The following FRMPD4 variants were observed in gnomAD, a reference collection of about 807,000 sequenced individuals.
FRMPD4 encodes the protein FERM and PDZ domain-containing protein 4.
Under a neutral mutation model 94.1 loss-of-function variants are expected in FRMPD4, and 22 were observed. The ratio of observed to expected loss-of-function variants is 0.23; its 90% CI spans 0.17 to 0.33. FRMPD4 has a LOEUF of 0.33. FRMPD4 is among the 10% of genes least tolerant of loss of function. The pLI is 1.00. For synonymous variants in FRMPD4, 631 were observed against 548.6 expected (o/e 1.15, Z -2.10); for missense variants, 1,111 against 1,339.9 (o/e 0.83, Z 2.67).
At chrX:12,304,544 C>T (rs1471793850) in intron 1 of FRMPD4, among the ~76,000 whole-genome samples, 2 of 111,297 alleles carry the variant, frequency 1.8e-5, no homozygotes, top group Non-Finnish European at 1.9e-5. Flanking sequence ...CTGTAATATA[C>T]AACCCACACC....
chrX:12,661,936 G>A (rs754759217), intron 4 of FRMPD4, among the ~76,000 whole-genome samples: 8 of 112,035 alleles, frequency 7.1e-5, no homozygotes, highest in African/African-American at 2.3e-4. Context: ...CTGACGCTAC[G>A]TTATGGCTTG....
intron 3 of FRMPD4, among the ~76,000 whole-genome samples, chrX:12,033,751 G>T (rs1308296693): frequency 8.9e-6 from 1 of 111,774 alleles, no homozygotes; most frequent in Non-Finnish European, 1.9e-5. Flanking sequence ...AGGCTGGAGT[G>T]CAATGGCACA....
chrX:12,062,812 T>C (rs1466723523), intron 3 of FRMPD4, among the ~76,000 whole-genome samples: 1 of 112,147 alleles, frequency 8.9e-6, no homozygotes, highest in Non-Finnish European at 1.9e-5. Context: ...TTGTTAGTTT[T>C]ACTGATTTTT....
At chrX:12,313,153 C>T (rs2055061868) in intron 1 of FRMPD4, among the ~76,000 whole-genome samples, 1 of 112,140 alleles carries the variant, frequency 8.9e-6, no homozygotes, top group African/African-American at 3.2e-5. Context: ...ATCCTGGGAG[C>T]CACGGAGGGA....
rs754012185 is a variant in FRMPD4, at chrX:12,331,087, C to T, written c.42-167593C>T. 8.9e-5 allele frequency among the ~76,000 whole-genome samples: 10 copies of T among 111,773 alleles called. No homozygotes were observed. In the South Asian group the frequency reaches 3.7e-3, roughly 42 times the overall value. On this transcript the variant is annotated intron_variant, in intron 1 of 16. Coordinates refer to ENST00000675598, the MANE Select transcript of FRMPD4 (RefSeq NM_001368397.1). ...ACATGTCAATTAATGGGCATGTCTGCATTCCAGTAGAATTTTATTTAGAAA... is the reference window on the plus strand; with the variant it reads ...ACATGTCAATTAATGGGCATGTCTGTATTCCAGTAGAATTTTATTTAGAAA...
chrX:12,581,412 AGAAATT>A (rs1328445365), intron 2 of FRMPD4, among the ~76,000 whole-genome samples: 1 of 101,964 alleles, frequency 9.8e-6, no homozygotes, highest in Non-Finnish European at 2.0e-5. Context: ...GCAGAGAACT[AGAAATT>A]ATTTTTCAAA....
At chrX:11,890,369 T>C (rs2053867776) in intron 3 of FRMPD4, among the ~76,000 whole-genome samples, 1 of 111,190 alleles carries the variant, frequency 9.0e-6, no homozygotes, top group African/African-American at 3.3e-5. Context: ...TTTCCCAAGG[T>C]TCCCAGGAGC....
chrX:12,424,715 A>G (rs927392086), intron 1 of FRMPD4, among the ~76,000 whole-genome samples: 3 of 112,624 alleles, frequency 2.7e-5, no homozygotes, highest in African/African-American at 6.4e-5. Context: ...GTATCTCCCA[A>G]ATGCTCCGGT....
At chrX:12,648,196 T>C (rs376817442) in intron 4 of FRMPD4, among the ~76,000 whole-genome samples, 14 of 111,774 alleles carry the variant, frequency 1.3e-4, no homozygotes, top group East Asian at 5.6e-4. Flanking sequence ...TTCTCATCAA[T>C]GCTGTCTTTC....
chrX:12,130,207 C>G (rs1399541117), intron 3 of FRMPD4, among the ~76,000 whole-genome samples: 1 of 111,008 alleles, frequency 9.0e-6, no homozygotes, highest in African/African-American at 3.3e-5. Flanking sequence ...GGCCAAAATT[C>G]TAAGTTGGTT....
chrX:12,414,044 A>G (rs1255225936), intron 1 of FRMPD4, among the ~76,000 whole-genome samples: 1 of 112,956 alleles, frequency 8.9e-6, no homozygotes, highest in Non-Finnish European at 1.9e-5. Flanking sequence ...CTGTGTGACT[A>G]TAAATAGGGA....
intron 4 of FRMPD4, among the ~76,000 whole-genome samples, chrX:12,630,147 T>G (rs1331752363): frequency 8.9e-6 from 1 of 111,863 alleles, no homozygotes; most frequent in African/African-American, 3.3e-5. Flanking sequence ...GTGAAGAAAT[T>G]CAGGGGCCAC....
intron 2 of FRMPD4, among the ~76,000 whole-genome samples, chrX:12,555,396 TA>T (rs1227094867): frequency 1.8e-5 from 2 of 112,096 alleles, no homozygotes; most frequent in African/African-American, 6.5e-5. Context: ...TTCTTTTATA[TA>T]TTTTTTTGAG....
chrX:11,852,771 A>G (rs1310668661), intron 1 of FRMPD4, among the ~76,000 whole-genome samples: 1 of 111,885 alleles, frequency 8.9e-6, no homozygotes, highest in Non-Finnish European at 1.9e-5. Context: ...GCTCTTAGAG[A>G]CCTTCAAAGA....
At chrX:12,123,357 C>T (rs1435488853) in intron 3 of FRMPD4, among the ~76,000 whole-genome samples, 1 of 110,511 alleles carries the variant, frequency 9.0e-6, no homozygotes, top group African/African-American at 3.3e-5. Context: ...AAGTTGGTCT[C>T]GAACTCCTGG....
chrX:11,866,439 C>T (rs192055312), intron 2 of FRMPD4, among the ~76,000 whole-genome samples: 1 of 111,804 alleles, frequency 8.9e-6, no homozygotes, highest in East Asian at 2.8e-4. Flanking sequence ...AAGCAGAGTC[C>T]TCCATTCTAG....
intron 3 of FRMPD4, among the ~76,000 whole-genome samples, chrX:11,909,086 T>A (rs1315681970): frequency 1.1e-4 from 12 of 111,826 alleles, no homozygotes; most frequent in Non-Finnish European, 5.6e-5. Context: ...ACTAAACATA[T>A]TCCCCCCATG....
intron 1 of FRMPD4, among the ~76,000 whole-genome samples, chrX:12,282,119 C>CCAATCTAAAATGTAAAA (rs2054535452): frequency 8.9e-6 from 1 of 112,255 alleles, no homozygotes; most frequent in Non-Finnish European, 1.9e-5. Context: ...GTCTTGTAAA[C>CCAATCTAAAATGTAAAA]CAATCTAAAA....
At chrX:12,431,128 AT>A (rs1324996449) in intron 1 of FRMPD4, among the ~76,000 whole-genome samples, 9 of 112,940 alleles carry the variant, frequency 8.0e-5, no homozygotes, top group African/African-American at 2.9e-4. Flanking sequence ...AAAACCCACT[AT>A]GCGTCAAGCA....
Sources: allele counts gnomAD v4.1 joint callset (sites outside exome capture counted in the v4.1 genomes callset), GRCh38; gene constraint gnomAD v4.1.1; transcripts MANE v1.5; gene names NCBI Gene and HGNC (gene_info 2026-07-23, HGNC 2026-07-21).